RAPGEF2: variants seen among roughly 807,000 people sequenced by gnomAD.
RAPGEF2 encodes PDZ domain containing guanine nucleotide exchange factor (GEF) 1.
In RAPGEF2, 54 loss-of-function variants were observed where a neutral mutation model predicts 186.7. The ratio of observed to expected loss-of-function variants is 0.29; its 90% CI spans 0.23 to 0.36. The LOEUF (loss-of-function observed/expected upper bound fraction) is 0.36, where lower values mean the gene tolerates loss of function less well. Among genes scored for constraint, RAPGEF2 ranks in the 10% least tolerant of loss-of-function variants. The pLI is 1.00. For missense variants in RAPGEF2, 1,532 were observed against 2,045.0 expected (o/e 0.75, Z 4.84); for synonymous variants, 712 against 705.9 (o/e 1.01, Z -0.14).
intron 9 of RAPGEF2, among the ~76,000 whole-genome samples, chr4:159,316,505 T>TC (rs1377613677): frequency 6.6e-6 from 1 of 152,146 alleles, no homozygotes; most frequent in Non-Finnish European, 1.5e-5. Context: ...TGTGTGTTGT[T>TC]CCCCTCTGTG....
At chr4:159,147,114 C>T (rs1743032409) in intron 1 of RAPGEF2, among the ~76,000 whole-genome samples, 1 of 152,156 alleles carries the variant, frequency 6.6e-6, no homozygotes, top group Non-Finnish European at 1.5e-5. Context: ...TTATTTTCCA[C>T]TTTACCGTTC....
At chr4:159,249,675 T>G (rs1755071129) in intron 7 of RAPGEF2, among the ~76,000 whole-genome samples, 1 of 152,032 alleles carries the variant, frequency 6.6e-6, no homozygotes, top group Non-Finnish European at 1.5e-5. Flanking sequence ...TAGTCAGTAT[T>G]ATCTGTACTA....
chr4:159,316,100 C>T, intron 9 of RAPGEF2, among the ~76,000 whole-genome samples: 1 of 152,302 alleles, frequency 6.6e-6, no homozygotes, highest in South Asian at 2.1e-4. Flanking sequence ...CAGATGCTGA[C>T]GTTACTGCTA....
At chr4:159,280,279 T>A (rs1261560088) in intron 7 of RAPGEF2, among the ~76,000 whole-genome samples, 4 of 152,160 alleles carry the variant, frequency 2.6e-5, no homozygotes, top group African/African-American at 9.7e-5. Context: ...AAAATACATA[T>A]AAATAAATAA....
chr4:159,121,175 C>T (rs1424123794), intron 1 of RAPGEF2, among the ~76,000 whole-genome samples: 1 of 151,952 alleles, frequency 6.6e-6, no homozygotes, highest in Non-Finnish European at 1.5e-5. Context: ...TCATGCTCAA[C>T]CTTTTAGCAC....
chr4:159,202,724 C>T (rs1251745421), intron 3 of RAPGEF2, among the ~76,000 whole-genome samples: 1 of 152,150 alleles, frequency 6.6e-6, no homozygotes, highest in East Asian at 1.9e-4. Flanking sequence ...GCCTCAGCCT[C>T]CCGAATAGTT....
chr4:159,119,593 T>C (rs921292773), intron 1 of RAPGEF2, among the ~76,000 whole-genome samples: 6 of 152,362 alleles, frequency 3.9e-5, no homozygotes, highest in African/African-American at 1.4e-4. Context: ...TATTGAATTA[T>C]AGAGTTATAT....
At chr4:159,123,163 T>G (rs1194367441) in intron 1 of RAPGEF2, among the ~76,000 whole-genome samples, 3 of 152,206 alleles carry the variant, frequency 2.0e-5, no homozygotes, top group Non-Finnish European at 4.4e-5. Flanking sequence ...AGCTAAGTTT[T>G]TGGGAGTCAA....
intron 24 of RAPGEF2, 140 bp downstream of exon 24, chr4:159,345,469 A>G: frequency 2.8e-6 from 2 of 726,312 alleles, no homozygotes; most frequent in South Asian, 3.7e-5. Context: ...CTTTTCCTTG[A>G]ATGCTAATAT....
intron 24 of RAPGEF2, among the ~76,000 whole-genome samples, chr4:159,346,072 G>A (rs1199921122): frequency 6.6e-6 from 1 of 152,160 alleles, no homozygotes; most frequent in Non-Finnish European, 1.5e-5. Flanking sequence ...AGTGGTCTGA[G>A]TTCAAATCCT....
chr4:159,172,073 T>G (rs569705837), intron 1 of RAPGEF2, among the ~76,000 whole-genome samples: 3 of 152,300 alleles, frequency 2.0e-5, no homozygotes, highest in African/African-American at 7.2e-5. Flanking sequence ...GAGAACTCTT[T>G]AAATGGAATA....
chr4:159,349,911 G>A (rs1028032341), intron 25 of RAPGEF2, among the ~76,000 whole-genome samples: 3 of 152,070 alleles, frequency 2.0e-5, no homozygotes, highest in African/African-American at 7.2e-5. Context: ...TATATTTCTG[G>A]TACTGTGGCA....
rs1175605034 is a variant in RAPGEF2 at position 159,338,591 on chromosome 4, A to T, written c.2293+123A>T. The stretch of plus-strand genomic sequence containing the variant: ...TTATATCAGATGCTGAGTAAGGATG[A>T]AACTTAAACTTTAAGATTTTTGAAA... On this transcript the variant is annotated intron_variant, in intron 18 of 29. Transcript: ENST00000691494. The T allele has an allele frequency of 2.9e-6, 3 of 1,038,058 alleles. No individual in the cohort carries two copies. In the African/African-American group the frequency reaches 4.9e-5, roughly 17 times the overall value. 64.3% of individuals were successfully genotyped at this position (1,038,058 alleles called of 1,614,324 possible). A position where few individuals can be genotyped will look rare whatever the true frequency, so the allele number is the denominator to read the frequency against.
chr4:159,301,359 G>T (rs1219492374), intron 7 of RAPGEF2, among the ~76,000 whole-genome samples: 6 of 152,154 alleles, frequency 3.9e-5, no homozygotes. Flanking sequence ...CGAGGTGACA[G>T]AGCAAGATTC....
intron 4 of RAPGEF2, among the ~76,000 whole-genome samples, chr4:159,212,703 C>T (rs1750646532): frequency 1.3e-5 from 2 of 152,128 alleles, no homozygotes; most frequent in African/African-American, 4.8e-5. Context: ...ATAAATAATG[C>T]TGTAGCAAAT....
intron 1 of RAPGEF2, among the ~76,000 whole-genome samples, chr4:159,154,134 C>G (rs1047859178): frequency 3.3e-5 from 5 of 152,124 alleles, no homozygotes; most frequent in Admixed American, 3.3e-4. Flanking sequence ...TTTTATGATT[C>G]TATAACCATT....
intron 1 of RAPGEF2, among the ~76,000 whole-genome samples, chr4:159,149,888 G>A (rs1561014206): frequency 6.6e-6 from 1 of 152,142 alleles, no homozygotes; most frequent in Admixed American, 6.5e-5. Context: ...ATGTGATGTT[G>A]AAAATGTAAT....
rs7678673 is a variant in RAPGEF2 at position 159,218,107 on chromosome 4, C to G, written c.281+7524C>G. 7.6e-3 allele frequency among the ~76,000 whole-genome samples: 1,152 copies of G among 152,156 alleles called. 17 individuals carry two copies. The highest frequency in any genetic ancestry group is 0.026 in the African/African-American group (1,073 of 41,500). On this transcript the variant is annotated intron_variant, in intron 4 of 29. Coordinates refer to ENST00000691494, the MANE Select transcript of RAPGEF2 (RefSeq NM_001394067.2). ...TTTAAAAATAACTCACTAGTGAATT[C>G]TGTTACAGAAGGGTAACTTTATTGG...
At chr4:159,142,091 T>C (rs1185874121) in intron 1 of RAPGEF2, among the ~76,000 whole-genome samples, 1 of 152,232 alleles carries the variant, frequency 6.6e-6, no homozygotes, top group African/African-American at 2.4e-5. Flanking sequence ...AGCAATTTTA[T>C]CTTTATTTAA....
Sources: allele counts gnomAD v4.1 joint callset (sites outside exome capture counted in the v4.1 genomes callset), GRCh38; gene constraint gnomAD v4.1.1; transcripts MANE v1.5; gene names NCBI Gene and HGNC (gene_info 2026-07-23, HGNC 2026-07-21).